The following MAD1L1 variants were observed in gnomAD, a reference collection of about 807,000 sequenced individuals.
MAD1L1 encodes the protein mitotic spindle assembly checkpoint protein MAD1.
In MAD1L1, 95 loss-of-function variants were observed where a neutral mutation model predicts 96.9. The observed-to-expected ratio is 0.98, with a 90% CI of 0.83 to 1.16. The LOEUF is 1.16. Among genes scored for constraint, MAD1L1 ranks in the 50% most tolerant of loss-of-function variants. MAD1L1 has a pLI of 0.00. For synonymous variants in MAD1L1, 473 were observed against 396.6 expected, an observed-to-expected ratio of 1.19 and a Z score of -2.29; for missense variants, 1,007 against 954.4, an observed-to-expected ratio of 1.06 and a Z score of -0.73.
At chr7:2,211,235 G>A (rs1792930516) in intron 10 of MAD1L1, among the ~76,000 whole-genome samples, 1 of 152,142 alleles carries the variant, frequency 6.6e-6, no homozygotes, top group African/African-American at 2.4e-5. Context: ...AGGGCAGAGT[G>A]AACACAGAAG....
At chr7:2,112,679 G>A (rs1453884935) in intron 11 of MAD1L1, among the ~76,000 whole-genome samples, 1 of 152,214 alleles carries the variant, frequency 6.6e-6, no homozygotes, top group Non-Finnish European at 1.5e-5. Context: ...CAGTGTCAGG[G>A]TGTCCACCGA....
At chr7:1,878,570 T>C (rs1785505137) in intron 18 of MAD1L1, among the ~76,000 whole-genome samples, 1 of 119,220 alleles carries the variant, frequency 8.4e-6, no homozygotes, top group Admixed American at 9.4e-5. Context: ...TCTCAATAGA[T>C]GTAAAAAAAA....
intron 7 of MAD1L1, among the ~76,000 whole-genome samples, chr7:2,216,551 T>G (rs1432099585): frequency 6.6e-6 from 1 of 152,126 alleles, no homozygotes; most frequent in Non-Finnish European, 1.5e-5. Context: ...TAGAACATTT[T>G]ACATCTGCCC....
chr7:2,033,538 A>C (rs1783327825), intron 12 of MAD1L1, among the ~76,000 whole-genome samples: 1 of 152,272 alleles, frequency 6.6e-6, no homozygotes, highest in South Asian at 2.1e-4. Context: ...AACCTTTTAC[A>C]AATCAATAGG....
rs567349344 is a variant in MAD1L1, at chr7:1,907,912, C to T, written c.1808-9522G>A. On this transcript the variant is annotated intron_variant, in intron 17 of 18. Transcript: ENST00000265854. ...ACCCAAAAGATCACCTGAGCATGGT[C>T]CGGAGAGACAGGGTGACCGCCCTGG... 1.1e-4 allele frequency among the ~76,000 whole-genome samples: 16 copies of T among 152,312 alleles called. No homozygotes were observed. The South Asian group carries it at 3.3e-3, about 32-fold the overall frequency.
At chr7:1,868,389 C>T (rs570322673) in intron 18 of MAD1L1, among the ~76,000 whole-genome samples, 4 of 152,146 alleles carry the variant, frequency 2.6e-5, no homozygotes, top group African/African-American at 4.8e-5. Context: ...CCACGCTTCC[C>T]GGGCTGCTCC....
chr7:2,012,196 T>C (rs930280586), intron 13 of MAD1L1, among the ~76,000 whole-genome samples: 20 of 152,308 alleles, frequency 1.3e-4, no homozygotes, highest in Admixed American at 6.5e-4. Flanking sequence ...AGTGCCAGCA[T>C]CTGGTCAATG....
chr7:2,212,111 G>A lies in MAD1L1; in HGVS notation c.986+1101C>T, dbSNP rs145404379. Among the ~76,000 whole-genome samples, 414 of 152,328 alleles carry A rather than the reference G, an allele frequency of 2.7e-3. 4 individuals carry two copies. The highest frequency in any genetic ancestry group is 8.3e-3 in the African/African-American group (347 of 41,564). On this transcript the variant is annotated intron_variant, in intron 10 of 18. Transcript: ENST00000265854. ...GGAGGTGGTCACCTGCAGGGGCACC[G>A]CGACTGAAGGGCAGGGGCCAACTGA... is the stretch of plus-strand genomic sequence containing the variant.
At chr7:2,120,607 G>A (rs1787930489) in intron 11 of MAD1L1, among the ~76,000 whole-genome samples, 1 of 152,228 alleles carries the variant, frequency 6.6e-6, no homozygotes, top group Non-Finnish European at 1.5e-5. Context: ...CCACCCAGAG[G>A]CTTCCTCAGA....
At chr7:1,874,829 G>C (rs888266304) in intron 18 of MAD1L1, among the ~76,000 whole-genome samples, 3 of 152,052 alleles carry the variant, frequency 2.0e-5, no homozygotes, top group Non-Finnish European at 4.4e-5. Flanking sequence ...GGCAGGTATA[G>C]GGAGGAGGGG....
intron 13 of MAD1L1, among the ~76,000 whole-genome samples, chr7:2,006,442 C>T (rs1182472109): frequency 1.3e-5 from 2 of 152,138 alleles, no homozygotes; most frequent in South Asian, 4.1e-4. Context: ...AGAGTCCCAG[C>T]ACCGAGGAGC....
intron 18 of MAD1L1, among the ~76,000 whole-genome samples, chr7:1,892,077 C>T (rs1021981072): frequency 5.3e-5 from 8 of 152,194 alleles, no homozygotes; most frequent in South Asian, 2.1e-4. Context: ...GCAGGTGCAC[C>T]GTCTTCCACC....
intron 14 of MAD1L1, among the ~76,000 whole-genome samples, chr7:1,999,457 C>T (rs1781694472): frequency 6.6e-6 from 1 of 152,216 alleles, no homozygotes; most frequent in Non-Finnish European, 1.5e-5. Context: ...ACCCCATTCC[C>T]CATGACTGTG....
chr7:2,096,795 C>T (rs1786513821), intron 11 of MAD1L1, among the ~76,000 whole-genome samples: 1 of 152,174 alleles, frequency 6.6e-6, no homozygotes, highest in Non-Finnish European at 1.5e-5. Context: ...CGACCACCAC[C>T]ACCCCGCCCA....
chr7:2,110,719 G>C (rs1263671925), intron 11 of MAD1L1, among the ~76,000 whole-genome samples: 1 of 152,130 alleles, frequency 6.6e-6, no homozygotes, highest in African/African-American at 2.4e-5. Flanking sequence ...GATCTGTGAC[G>C]GGCTTCACCA....
chr7:2,157,052 A>G (rs1233133594), intron 10 of MAD1L1, among the ~76,000 whole-genome samples: 2 of 152,198 alleles, frequency 1.3e-5, no homozygotes, highest in Admixed American at 1.3e-4. Flanking sequence ...AGTCTAAAAG[A>G]AGAATCCTAC....
At chr7:1,871,539 C>T (rs145567793) in intron 18 of MAD1L1, among the ~76,000 whole-genome samples, 1,480 of 139,338 alleles carry the variant, frequency 0.011, 57 homozygotes, top group African/African-American at 0.038. Flanking sequence ...CCGAACCCAA[C>T]ATATGCCTGC....
At chr7:2,013,761 G>A (rs559310909) in intron 13 of MAD1L1, among the ~76,000 whole-genome samples, 212 of 152,324 alleles carry the variant, frequency 1.4e-3, no homozygotes, top group African/African-American at 4.8e-3. Flanking sequence ...GGCTGGGAAC[G>A]GTGTGCTAGG....
At chr7:1,940,222 C>T (rs1005520837) in intron 16 of MAD1L1, 3 of 152,226 alleles carry the variant, frequency 2.0e-5, no homozygotes, top group Non-Finnish European at 4.4e-5. Flanking sequence ...GGAAATCCAC[C>T]CACTCAGGCC....
Sources: allele counts gnomAD v4.1 joint callset (sites outside exome capture counted in the v4.1 genomes callset), GRCh38; gene constraint gnomAD v4.1.1; transcripts MANE v1.5; gene names NCBI Gene and HGNC (gene_info 2026-07-23, HGNC 2026-07-21).